WDPCP: variants seen among roughly 807,000 people sequenced by gnomAD.
WDPCP encodes the protein WD repeat-containing and planar cell polarity effector protein fritz homolog.
A neutral mutation model predicts 93.1 loss-of-function variants in WDPCP; 71 were observed. The ratio of observed to expected loss-of-function variants is 0.76; its 90% CI spans 0.63 to 0.93. WDPCP has a LOEUF of 0.93. Among genes scored for constraint, WDPCP ranks in the 40% least tolerant of loss-of-function variants. The pLI is 0.00. For missense variants in WDPCP, 844 were observed against 887.4 expected, an observed-to-expected ratio of 0.95 and a Z score of 0.62; for synonymous variants, 315 against 315.0, an observed-to-expected ratio of 1.00 and a Z score of 0.00.
At chr2:63,715,401 T>C (rs978204860) in intron 2 of WDPCP, among the ~76,000 whole-genome samples, 3 of 152,226 alleles carry the variant, frequency 2.0e-5, no homozygotes, top group Non-Finnish European at 2.9e-5. Context: ...AAGAGGACTA[T>C]AAGCCATAGG....
At chr2:63,457,799 A>G (rs1169520367) in intron 6 of WDPCP, among the ~76,000 whole-genome samples, 1 of 152,182 alleles carries the variant, frequency 6.6e-6, no homozygotes, top group African/African-American at 2.4e-5. Flanking sequence ...TAGAAAGACC[A>G]TCCATCATAC....
intron 3 of WDPCP, among the ~76,000 whole-genome samples, chr2:63,601,948 G>T (rs982262287): frequency 6.6e-6 from 1 of 152,190 alleles, no homozygotes; most frequent in Non-Finnish European, 1.5e-5. Flanking sequence ...GGTCATGGCA[G>T]ACGTAAAAAA....
At chr2:63,553,230 T>A (rs1705816441) in intron 1 of WDPCP, among the ~76,000 whole-genome samples, 1 of 152,254 alleles carries the variant, frequency 6.6e-6, no homozygotes, top group Non-Finnish European at 1.5e-5. Flanking sequence ...TGTGAACTCT[T>A]CAACTGTTAA....
chr2:63,630,585 C>A (rs577473554), intron 3 of WDPCP, among the ~76,000 whole-genome samples: 1 of 151,944 alleles, frequency 6.6e-6, no homozygotes, highest in Admixed American at 6.6e-5. Flanking sequence ...AGCAATCCTA[C>A]ATATGTATGC....
chr2:63,821,281 G>A (rs771231875), intron 1 of WDPCP, among the ~76,000 whole-genome samples: 1 of 152,202 alleles, frequency 6.6e-6, no homozygotes, highest in African/African-American at 2.4e-5. Context: ...TGAACTCTGG[G>A]TTGGCTCTTG....
chr2:63,326,158 C>T (rs956207643), intron 12 of WDPCP, among the ~76,000 whole-genome samples: 6 of 152,180 alleles, frequency 3.9e-5, no homozygotes, highest in South Asian at 2.1e-4. Flanking sequence ...AGATAACAGG[C>T]GCTACTCCTT....
At chr2:63,178,107 A>G (rs1469990640) in intron 14 of WDPCP, among the ~76,000 whole-genome samples, 3 of 152,158 alleles carry the variant, frequency 2.0e-5, no homozygotes, top group Non-Finnish European at 4.4e-5. Flanking sequence ...TACTATGCCT[A>G]AGAATTTCGT....
At position 63,159,081 on chromosome 2, in the gene WDPCP, A is replaced by C. The variant is rs977425628; in HGVS notation, c.2079-5507T>G. 1.0e-4 allele frequency among the ~76,000 whole-genome samples: 15 copies of C among 148,718 alleles called. 1 individual carries two copies. In the South Asian group the frequency reaches 3.4e-3, roughly 33 times the overall value. On this transcript the variant is annotated intron_variant, in intron 15 of 17. Coordinates refer to ENST00000272321, the MANE Select transcript of WDPCP (RefSeq NM_015910.7). Reference sequence around the variant, plus strand: ...TGAGGCAGGAGGATCGCTTGAGCCCAGGAGGTTAAGGCTGCAGTGAGCTGT... The same window carrying C: ...TGAGGCAGGAGGATCGCTTGAGCCCCGGAGGTTAAGGCTGCAGTGAGCTGT...
intron 3 of WDPCP, among the ~76,000 whole-genome samples, chr2:63,616,248 G>C (rs1281146441): frequency 1.3e-5 from 2 of 152,144 alleles, no homozygotes; most frequent in Non-Finnish European, 2.9e-5. Context: ...TGAAGAATAA[G>C]AAGGGAGAGG....
intron 3 of WDPCP, among the ~76,000 whole-genome samples, chr2:63,618,760 C>T (rs1019475219): frequency 5.9e-5 from 9 of 151,400 alleles, no homozygotes; most frequent in South Asian, 2.1e-4. Flanking sequence ...GCGCAATCTC[C>T]GCTCACCGCA....
intron 6 of WDPCP, among the ~76,000 whole-genome samples, chr2:63,483,448 C>T (rs771025409): frequency 1.3e-4 from 8 of 63,802 alleles, no homozygotes; most frequent in East Asian, 1.1e-3. Context: ...CCCTTGTAAA[C>T]GACCTCTGAA....
At chr2:63,318,915 T>C (rs1174301263) in intron 12 of WDPCP, among the ~76,000 whole-genome samples, 1 of 152,090 alleles carries the variant, frequency 6.6e-6, no homozygotes, top group Non-Finnish European at 1.5e-5. Context: ...TGATGTACCC[T>C]TGACCCTAAA....
chr2:63,471,936 ATTTT>A (rs538725157), intron 6 of WDPCP, among the ~76,000 whole-genome samples: 1 of 150,630 alleles, frequency 6.6e-6, no homozygotes, highest in Non-Finnish European at 1.5e-5. Context: ...ACAATTTAGA[ATTTT>A]TTTTTTAATT....
chr2:63,662,086 TA>T (rs1710233455), intron 2 of WDPCP, among the ~76,000 whole-genome samples: 3 of 152,178 alleles, frequency 2.0e-5, no homozygotes, highest in Admixed American at 1.3e-4. Flanking sequence ...CTTTTCATGT[TA>T]AATACAGGGA....
chr2:63,439,914 G>A, intron 6 of WDPCP, 43 bp from the exon 7 acceptor site: 1 of 1,477,454 alleles, frequency 6.8e-7, no homozygotes, highest in Non-Finnish European at 9.5e-7. Context: ...AAGACATGCT[G>A]TGATTTAGAA....
At chr2:63,707,459 C>T (rs1669178998) in intron 2 of WDPCP, among the ~76,000 whole-genome samples, 1 of 152,100 alleles carries the variant, frequency 6.6e-6, no homozygotes, top group African/African-American at 2.4e-5. Flanking sequence ...AGATCTCGTG[C>T]CATGGTTTTC....
intron 6 of WDPCP, among the ~76,000 whole-genome samples, chr2:63,479,658 A>T (rs1307921458): frequency 6.6e-6 from 1 of 152,130 alleles, no homozygotes; most frequent in Admixed American, 6.6e-5. Flanking sequence ...GAAGGGACAT[A>T]CCTTAATGTA....
chr2:63,832,886 C>T, the WDPCP span, among the ~76,000 whole-genome samples: 4 of 152,138 alleles, frequency 2.6e-5, no homozygotes, highest in Non-Finnish European at 5.9e-5. Flanking sequence ...TGAGATTAAT[C>T]GTATGATATG....
Position 63,120,693 on chromosome 2 carries a change from ATT to A in WDPCP, c.*1311_*1312del, listed in dbSNP as rs538097900. 4.2e-5 allele frequency among the ~76,000 whole-genome samples: 6 copies of A among 142,428 alleles called. No individual in the cohort carries two copies. The highest frequency in any genetic ancestry group is 5.1e-5 in the African/African-American group (2 of 38,916). The allele number at this position is 142,428 out of a possible 152,430, so 93.4% of individuals were successfully genotyped here. On this transcript the variant is annotated 3_prime_UTR_variant, in exon 18 of 18. Coordinates refer to ENST00000272321, the MANE Select transcript of WDPCP (RefSeq NM_015910.7). ...AGGTGCACGCCACCACGCCCGGCTA[ATT>A]TTTTTTTTTTTTGTATTTTTAGTAG...
Sources: gnomAD v4.1 joint callset for allele counts (sites outside exome capture counted in the v4.1 genomes callset) on GRCh38, gnomAD v4.1.1 for gene constraint, MANE v1.5 for transcripts, NCBI Gene and HGNC (gene_info 2026-07-23, HGNC 2026-07-21) for gene names.